The following GRIA4 variants were observed in gnomAD, a reference collection of about 807,000 sequenced individuals.
GRIA4 encodes the protein glutamate ionotropic receptor AMPA type subunit 4, also known as glutamate receptor 4.
A neutral mutation model predicts 104.0 loss-of-function variants in GRIA4; 34 were observed. The ratio of observed to expected loss-of-function variants is 0.33; its 90% CI spans 0.25 to 0.44. GRIA4 has a LOEUF of 0.44. GRIA4 is among the 20% of genes least tolerant of loss of function. The probability of loss-of-function intolerance (pLI) is 1.00; values close to 1 mark genes in which losing one functional copy is unlikely to be tolerated. For missense variants in GRIA4, 750 were observed against 1,096.5 expected, an observed-to-expected ratio of 0.68 and a Z score of 4.46; for synonymous variants, 386 against 381.9, an observed-to-expected ratio of 1.01 and a Z score of -0.13.
chr11:105,757,359 C>G (rs1940375502), intron 4 of GRIA4, among the ~76,000 whole-genome samples: 1 of 152,034 alleles, frequency 6.6e-6, no homozygotes, highest in Non-Finnish European at 1.5e-5. Context: ...TAGAAGTCAT[C>G]CTGAAGGAGT....
chr11:105,823,157 T>C (rs1943637770), intron 4 of GRIA4, among the ~76,000 whole-genome samples: 1 of 152,130 alleles, frequency 6.6e-6, no homozygotes, highest in African/African-American at 2.4e-5. Context: ...AGGATTCATA[T>C]CACTGCTTAC....
chr11:105,915,367 T>A (rs2136177149), intron 10 of GRIA4, among the ~76,000 whole-genome samples: 1 of 152,238 alleles, frequency 6.6e-6, no homozygotes, highest in East Asian at 1.9e-4. Flanking sequence ...AACAATGACC[T>A]GATGGACCCC....
At chr11:105,658,498 A>G (rs2135404055) in intron 3 of GRIA4, among the ~76,000 whole-genome samples, 1 of 152,110 alleles carries the variant, frequency 6.6e-6, no homozygotes, top group Admixed American at 6.6e-5. Context: ...ACTATTCTAG[A>G]TAAAAAGAAG....
At chr11:105,698,244 A>G (rs1953356510) in intron 3 of GRIA4, among the ~76,000 whole-genome samples, 1 of 152,194 alleles carries the variant, frequency 6.6e-6, no homozygotes, top group Non-Finnish European at 1.5e-5. Context: ...AATGTCTATA[A>G]CGGAAAAGTG....
intron 4 of GRIA4, among the ~76,000 whole-genome samples, chr11:105,839,397 G>T (rs1298189105): frequency 1.3e-5 from 2 of 151,008 alleles, no homozygotes; most frequent in South Asian, 2.1e-4. Context: ...TGAGCACCAA[G>T]GAAATACTAT....
chr11:105,681,844 C>A (rs1235441766), intron 3 of GRIA4, among the ~76,000 whole-genome samples: 1 of 152,054 alleles, frequency 6.6e-6, no homozygotes, highest in East Asian at 1.9e-4. Context: ...GAGTTCAAAA[C>A]CAACCTGGTC....
At chr11:105,950,004 A>T (rs1183611141) in intron 14 of GRIA4, among the ~76,000 whole-genome samples, 1 of 152,214 alleles carries the variant, frequency 6.6e-6, no homozygotes, top group Non-Finnish European at 1.5e-5. Context: ...GTGAGGATTC[A>T]ATGAGAATCC....
intron 3 of GRIA4, among the ~76,000 whole-genome samples, chr11:105,628,302 T>C (rs1451133309): frequency 6.6e-6 from 1 of 152,236 alleles, no homozygotes. Flanking sequence ...AGAATAACTT[T>C]ATAAATCACT....
chr11:105,655,823 T>C (rs1056857439), intron 3 of GRIA4, among the ~76,000 whole-genome samples: 1 of 152,162 alleles, frequency 6.6e-6, no homozygotes, highest in Non-Finnish European at 1.5e-5. Flanking sequence ...AGGAGAATGA[T>C]TTATAATCCT....
At chr11:105,827,398 G>GA (rs1172538326) in intron 4 of GRIA4, among the ~76,000 whole-genome samples, 20 of 151,218 alleles carry the variant, frequency 1.3e-4, no homozygotes, top group Admixed American at 1.1e-3. Context: ...ATATTTAGAA[G>GA]AAAAAAAACA....
chr11:105,714,665 C>T (rs900523970), intron 3 of GRIA4, among the ~76,000 whole-genome samples: 3 of 152,004 alleles, frequency 2.0e-5, no homozygotes, highest in African/African-American at 7.2e-5. Context: ...CCCTATATTG[C>T]TGAAACGAGA....
At position 105,629,168 on chromosome 11, in the gene GRIA4, G is replaced by A. The variant is rs1014521367; in HGVS notation, c.247+16734G>A. Among the ~76,000 whole-genome samples the A allele has an allele frequency of 3.3e-5, 5 of 151,646 alleles. No individual in the cohort carries two copies. In the East Asian group the frequency reaches 9.7e-4, roughly 29 times the overall value. On this transcript the variant is annotated intron_variant, in intron 3 of 16. Coordinates refer to ENST00000282499, the MANE Select transcript of GRIA4 (RefSeq NM_000829.4). Reference sequence around the variant, plus strand: ...AGGCAGCAGGATCCCTTGAGCCCAGGAGTTGAAGGCTGCAGTGAGCTATGA... The same window carrying A: ...AGGCAGCAGGATCCCTTGAGCCCAGAAGTTGAAGGCTGCAGTGAGCTATGA...
chr11:105,762,148 C>T (rs1034691242), intron 4 of GRIA4, among the ~76,000 whole-genome samples: 1 of 152,004 alleles, frequency 6.6e-6, no homozygotes, highest in Admixed American at 6.6e-5. Flanking sequence ...CTCGGCCTCC[C>T]GAGAAGCTGG....
At chr11:105,691,919 G>T (rs1157769703) in intron 3 of GRIA4, among the ~76,000 whole-genome samples, 1 of 95,424 alleles carries the variant, frequency 1.0e-5, no homozygotes, top group African/African-American at 4.3e-5. Context: ...TGGGCTACAA[G>T]AGCAAAACTC....
At chr11:105,936,683 G>A (rs1288560333) in intron 14 of GRIA4, among the ~76,000 whole-genome samples, 3 of 152,146 alleles carry the variant, frequency 2.0e-5, no homozygotes, top group Non-Finnish European at 4.4e-5. Context: ...GAAAAGAGGA[G>A]AGAGTACGAT....
intron 5 of GRIA4, chr11:105,862,542 A>C (rs1368362575): frequency 1.1e-5 from 2 of 176,592 alleles, no homozygotes; most frequent in Admixed American, 5.9e-5. Flanking sequence ...AAATAGTACA[A>C]AAATTCTAAA....
chr11:105,848,903 C>T (rs780576128), intron 4 of GRIA4, among the ~76,000 whole-genome samples: 11 of 152,074 alleles, frequency 7.2e-5, no homozygotes, highest in Non-Finnish European at 1.6e-4. Flanking sequence ...GTCACCCCCA[C>T]GTCGACCTGG....
At chr11:105,671,329 C>A (rs1480692056) in intron 3 of GRIA4, among the ~76,000 whole-genome samples, 1 of 151,842 alleles carries the variant, frequency 6.6e-6, no homozygotes, top group Non-Finnish European at 1.5e-5. Context: ...AAGAGGTGGT[C>A]AACAGAGGTT....
chr11:105,680,927 A>T (rs1297825825), intron 3 of GRIA4, among the ~76,000 whole-genome samples: 1 of 152,192 alleles, frequency 6.6e-6, no homozygotes, highest in Non-Finnish European at 1.5e-5. Flanking sequence ...ATACATTACA[A>T]CATCCTCCAT....
Sources: allele counts gnomAD v4.1 joint callset (sites outside exome capture counted in the v4.1 genomes callset), GRCh38; gene constraint gnomAD v4.1.1; transcripts MANE v1.5; gene names NCBI Gene and HGNC (gene_info 2026-07-23, HGNC 2026-07-21).